The following BCOR variants were observed in gnomAD, a reference collection of about 807,000 sequenced individuals.
BCOR encodes BCL-6 corepressor.
A neutral mutation model predicts 86.7 loss-of-function variants in BCOR; 10 were observed. That is an observed-to-expected ratio of 0.12 (90% CI 0.07 to 0.20). The LOEUF (loss-of-function observed/expected upper bound fraction) is 0.20. Ranked by LOEUF, BCOR falls within the 10% of genes least tolerant of loss-of-function variation. The probability of loss-of-function intolerance (pLI) is 1.00; values close to 1 mark genes in which losing one functional copy is unlikely to be tolerated. For synonymous variants in BCOR, 611 were observed against 609.0 expected (o/e 1.00, Z -0.05); for missense variants, 1,259 against 1,452.1 (o/e 0.87, Z 2.16).
chrX:40,121,133 C>G (rs1286704674), intron 1 of BCOR, among the ~76,000 whole-genome samples: 8 of 111,524 alleles, frequency 7.2e-5, no homozygotes, highest in Non-Finnish European at 1.3e-4. Flanking sequence ...GATCCTGCAG[C>G]CAGAGCGAGG....
chrX:40,154,649 C>T (rs942807013), intron 1 of BCOR, among the ~76,000 whole-genome samples: 1 of 109,419 alleles, frequency 9.1e-6, no homozygotes, highest in African/African-American at 3.3e-5. Context: ...GTCCACTGCA[C>T]CGCGAGCCCC....
At chrX:40,078,022 A>G (rs756354189) in intron 1 of BCOR, 53 bp from the exon 2 acceptor site, 13 of 744,066 alleles carry the variant, frequency 1.7e-5, no homozygotes, top group Non-Finnish European at 2.7e-5. Context: ...GGAGAGCCAA[A>G]CAGGGCGCTA....
intron 1 of BCOR, among the ~76,000 whole-genome samples, chrX:40,164,834 C>A (rs1312650747): frequency 8.9e-6 from 1 of 112,585 alleles, no homozygotes; most frequent in Non-Finnish European, 1.9e-5. Context: ...CATTCTGACC[C>A]CGACTACCAG....
chrX:40,167,571 AAAG>A (rs1938529026), intron 1 of BCOR, among the ~76,000 whole-genome samples: 1 of 113,008 alleles, frequency 8.8e-6, no homozygotes, highest in African/African-American at 3.2e-5. Context: ...CTGTTTCTAA[AAAG>A]AAAACCCGTG....
chrX:40,078,096 G>T, intron 1 of BCOR, 127 bp from the exon 2 acceptor site: 1 of 481,012 alleles, frequency 2.1e-6, no homozygotes. Flanking sequence ...TGTGCCTGCT[G>T]TCTACAGTGG....
rs17145662 is a variant in BCOR at position 40,120,256 on chromosome X, C to T, written c.-40-42287G>A. On this transcript the variant is annotated intron_variant, in intron 1 of 14. Transcript: ENST00000342274. ...CCACTCCAGCCTAAATTGGGTTTTCCGCTATGCCCGGAGCAGACACAGCCT... is the reference window on the plus strand; with the variant it reads ...CCACTCCAGCCTAAATTGGGTTTTCTGCTATGCCCGGAGCAGACACAGCCT... Among the ~76,000 whole-genome samples, 435 of 111,206 alleles carry T rather than the reference C, an allele frequency of 3.9e-3. 2 individuals are homozygous for T. Among genetic ancestry groups the T allele is most frequent in the African/African-American group, 0.014 (422 of 30,585 alleles).
chrX:40,116,496 C>CAA (rs984201171), intron 1 of BCOR, among the ~76,000 whole-genome samples: 1 of 96,457 alleles, frequency 1.0e-5, no homozygotes, highest in Non-Finnish European at 2.1e-5. Context: ...GACTCTGTCT[C>CAA]AAAAAAAAAA....
intron 10 of BCOR, among the ~76,000 whole-genome samples, chrX:40,058,488 C>T (rs1934708669): frequency 9.0e-6 from 1 of 111,730 alleles, no homozygotes; most frequent in African/African-American, 3.3e-5. Context: ...TCTTAAATAA[C>T]TCATCTATAA....
chrX:40,176,714 C>T (rs1371077503), intron 1 of BCOR, among the ~76,000 whole-genome samples: 24 of 111,503 alleles, frequency 2.2e-4, no homozygotes, highest in African/African-American at 6.8e-4. Context: ...GAGCCGCTCG[C>T]TCCCAGCGCC....
chrX:40,137,649 A>T (rs1191835618), intron 1 of BCOR, among the ~76,000 whole-genome samples: 1 of 112,300 alleles, frequency 8.9e-6, no homozygotes, highest in East Asian at 2.8e-4. Flanking sequence ...CTCTTAAGAC[A>T]TCTACCATTC....
chrX:40,170,725 A>C (rs1269420115), intron 1 of BCOR, among the ~76,000 whole-genome samples: 2 of 112,394 alleles, frequency 1.8e-5, no homozygotes, highest in Admixed American at 1.9e-4. Context: ...AGATTTTCTT[A>C]GAACATTCCA....
At chrX:40,092,463 GAAAAA>G (rs1245697893) in intron 1 of BCOR, among the ~76,000 whole-genome samples, 1 of 101,804 alleles carries the variant, frequency 9.8e-6, no homozygotes, top group African/African-American at 3.6e-5. Context: ...TCCTCCAGAG[GAAAAA>G]AAAAAAAGAA....
chrX:40,103,690 T>C (rs1937114797), intron 1 of BCOR, among the ~76,000 whole-genome samples: 1 of 111,830 alleles, frequency 8.9e-6, no homozygotes, highest in Non-Finnish European at 1.9e-5. Flanking sequence ...ATCTTCCTTT[T>C]CCACTGACAC....
intron 1 of BCOR, among the ~76,000 whole-genome samples, chrX:40,166,310 G>A (rs933125400): frequency 1.8e-5 from 2 of 112,152 alleles, no homozygotes; most frequent in Non-Finnish European, 3.8e-5. Context: ...CTCTGAATTC[G>A]GGTTGGTGGA....
chrX:40,073,694 T>G lies in BCOR; in HGVS notation c.1652A>C (p.Asp551Ala). The change falls in exon 4 of 15, where the codon GAT becomes GCT. Residue 551 changes from aspartate (D) to alanine (A), a missense_variant. By Grantham distance (126) the Asp-to-Ala change is moderately radical. Coordinates refer to ENST00000378444, the MANE Select transcript of BCOR (RefSeq NM_001123385.2). Reference sequence around the variant, plus strand: ...CCCTGAAACGTTAGTGATGACAGCATCGGTGCCGCCCATGCGCGGGCATGA... The same window carrying G: ...CCCTGAAACGTTAGTGATGACAGCAGCGGTGCCGCCCATGCGCGGGCATGA... ...SSSCPRMGGT[D>A]AVITNVSGSV... The G allele has an allele frequency of 8.2e-7, 1 of 1,212,513 alleles. No homozygotes were observed. The highest frequency in any genetic ancestry group is 1.1e-6 in the Non-Finnish European group (1 of 895,630).
intron 6 of BCOR, among the ~76,000 whole-genome samples, chrX:40,068,824 C>T (rs1018616306): frequency 3.5e-5 from 4 of 112,900 alleles, no homozygotes; most frequent in Non-Finnish European, 3.8e-5. Flanking sequence ...ATCCTAACCA[C>T]GGTGTTGTCC....
At chrX:40,148,508 T>G (rs62584532) in intron 1 of BCOR, among the ~76,000 whole-genome samples, 2,199 of 110,357 alleles carry the variant, frequency 0.02, 20 homozygotes, top group Non-Finnish European at 0.033. Context: ...GCAGGAAGCC[T>G]GAGAGATCAA....
chrX:40,161,863 A>G (rs1938431204), intron 1 of BCOR, among the ~76,000 whole-genome samples: 1 of 111,854 alleles, frequency 8.9e-6, no homozygotes, highest in Admixed American at 9.5e-5. Context: ...AACGGTCTGC[A>G]GTGAACAATA....
intron 1 of BCOR, among the ~76,000 whole-genome samples, chrX:40,175,138 T>C (rs1478277868): frequency 1.7e-5 from 1 of 58,553 alleles, no homozygotes; most frequent in Non-Finnish European, 3.0e-5. Flanking sequence ...TGTCATTTTT[T>C]CCATCGGTCG....
Sources: gnomAD v4.1 joint callset for allele counts (sites outside exome capture counted in the v4.1 genomes callset) on GRCh38, gnomAD v4.1.1 for gene constraint, MANE v1.5 for transcripts, NCBI Gene and HGNC (gene_info 2026-07-23, HGNC 2026-07-21) for gene names.